ARHGAP6: variants seen among roughly 807,000 people sequenced by gnomAD.
ARHGAP6 encodes the protein Rho GTPase activating protein 6.
A neutral mutation model predicts 55.7 loss-of-function variants in ARHGAP6; 16 were observed. That is an observed-to-expected ratio of 0.29 (90% CI 0.19 to 0.44). The LOEUF (loss-of-function observed/expected upper bound fraction) is 0.44, where lower values mean the gene tolerates loss of function less well. Ranked by LOEUF, ARHGAP6 falls within the 20% of genes least tolerant of loss-of-function variation. The probability of loss-of-function intolerance (pLI) is 1.00; values close to 1 mark genes in which losing one functional copy is unlikely to be tolerated. For missense variants in ARHGAP6, 698 were observed against 808.9 expected (o/e 0.86, Z 1.66); for synonymous variants, 382 against 360.9 (o/e 1.06, Z -0.66).
intron 1 of ARHGAP6, among the ~76,000 whole-genome samples, chrX:11,420,159 A>C (rs1338638921): frequency 8.9e-6 from 1 of 111,987 alleles, no homozygotes; most frequent in Non-Finnish European, 1.9e-5. Flanking sequence ...ATTGAAAAGT[A>C]TCCCATATTC....
intron 1 of ARHGAP6, among the ~76,000 whole-genome samples, chrX:11,500,543 C>T (rs905441274): frequency 4.6e-5 from 5 of 107,881 alleles, no homozygotes; most frequent in Non-Finnish European, 9.6e-5. Context: ...TGCCTGAAAT[C>T]CCAGCTACTC....
At chrX:11,267,431 GTGACT>G (rs2047641689) in intron 1 of ARHGAP6, among the ~76,000 whole-genome samples, 1 of 111,831 alleles carries the variant, frequency 8.9e-6, no homozygotes, top group Non-Finnish European at 1.9e-5. Context: ...GAGGAGTTAA[GTGACT>G]TGCTCAAAGA....
intron 1 of ARHGAP6, among the ~76,000 whole-genome samples, chrX:11,326,385 C>T (rs982014430): frequency 9.0e-6 from 1 of 111,512 alleles, no homozygotes; most frequent in Non-Finnish European, 1.9e-5. Context: ...GCCTTGGCCT[C>T]CCAAAGTGCT....
chrX:11,254,910 C>G (rs972961353), intron 1 of ARHGAP6, among the ~76,000 whole-genome samples: 1 of 110,840 alleles, frequency 9.0e-6, no homozygotes, highest in Non-Finnish European at 1.9e-5. Flanking sequence ...TCTCAAGTAT[C>G]TGCTGGGTCA....
chrX:11,365,680 CTTA>C (rs996220147), intron 1 of ARHGAP6, among the ~76,000 whole-genome samples: 7 of 112,140 alleles, frequency 6.2e-5, no homozygotes, highest in Admixed American at 9.4e-5. Context: ...TATCTTTTGG[CTTA>C]TTGTTTTATA....
At position 11,169,419 on chromosome X, in the gene ARHGAP6, G is replaced by A. The variant is rs911079688; in HGVS notation, c.1809+86C>T. On this transcript the variant is annotated intron_variant, in intron 9 of 12. Transcript: ENST00000337414. ...TCAGTGAGCAGCACTGCACCCCAGA[G>A]GGTGGTCTACTAGAATTTCATCCTG... 2.0e-5 allele frequency: 19 copies of A among 947,040 alleles called. No individual in the cohort carries two copies. The East Asian group carries it at 2.0e-4, about 10-fold the overall frequency. 78.0% of individuals were successfully genotyped at this position (947,040 alleles called of 1,213,427 possible).
rs1352867177 is a variant in ARHGAP6, at chrX:11,665,855, G to A, written c.-1027C>T. On this transcript the variant is annotated 5_prime_UTR_variant, in exon 1 of 13. Coordinates refer to ENST00000337414, the MANE Select transcript of ARHGAP6 (RefSeq NM_013427.3). The stretch of plus-strand genomic sequence containing the variant: ...AAAGCAGAACGTGAAGAGTTTTCCA[G>A]GCGCCAAACCTGCAAGCGGCGAGGA... Among the ~76,000 whole-genome samples, 2 of 112,390 alleles carry A rather than the reference G, an allele frequency of 1.8e-5. No homozygotes were observed. The highest frequency in any genetic ancestry group is 9.3e-5 in the Admixed American group (1 of 10,759).
At chrX:11,356,313 G>A (rs753108711) in intron 1 of ARHGAP6, among the ~76,000 whole-genome samples, 3 of 110,782 alleles carry the variant, frequency 2.7e-5, no homozygotes, top group South Asian at 3.9e-4. Context: ...CCTAATGCAC[G>A]TGGGGCTTAA....
At chrX:11,256,248 G>C (rs2047492959) in intron 1 of ARHGAP6, among the ~76,000 whole-genome samples, 1 of 111,887 alleles carries the variant, frequency 8.9e-6, no homozygotes, top group Admixed American at 9.4e-5. Context: ...AATTAGCCAG[G>C]CATGGTGGCG....
chrX:11,305,149 G>A (rs1216584212), intron 1 of ARHGAP6, among the ~76,000 whole-genome samples: 2 of 111,067 alleles, frequency 1.8e-5, no homozygotes, highest in Admixed American at 1.9e-4. Flanking sequence ...TCTCCTAGGG[G>A]ACCTTTGGCA....
At chrX:11,400,269 T>C (rs1289785637) in intron 1 of ARHGAP6, among the ~76,000 whole-genome samples, 1 of 111,450 alleles carries the variant, frequency 9.0e-6, no homozygotes, top group Non-Finnish European at 1.9e-5. Flanking sequence ...GATGCATCAC[T>C]GCAGGAGTTC....
chrX:11,423,274 G>A (rs1353662008), intron 1 of ARHGAP6, among the ~76,000 whole-genome samples: 6 of 112,998 alleles, frequency 5.3e-5, no homozygotes, highest in African/African-American at 1.3e-4. Flanking sequence ...AATTACCAGA[G>A]AGTATCCTGT....
chrX:11,512,915 T>G (rs1222238385), intron 1 of ARHGAP6, among the ~76,000 whole-genome samples: 1 of 112,042 alleles, frequency 8.9e-6, no homozygotes, highest in Non-Finnish European at 1.9e-5. Context: ...CTCTGAGGTT[T>G]GGGATGGTTT....
intron 8 of ARHGAP6, among the ~76,000 whole-genome samples, chrX:11,175,005 T>G (rs1187745874): frequency 9.0e-6 from 1 of 111,341 alleles, no homozygotes; most frequent in African/African-American, 3.3e-5. Context: ...AAGGCCATTC[T>G]TACATGGAAA....
At position 11,299,045 on chromosome X, in the gene ARHGAP6, T is replaced by G. The variant is rs999929219; in HGVS notation, c.589-44338A>C. 17 of 1,116,977 alleles carry G rather than the reference T, an allele frequency of 1.5e-5. No homozygotes were observed. In the African/African-American group the frequency reaches 3.1e-4, roughly 20 times the overall value. The allele number at this position is 1,116,977 out of a possible 1,213,427, so 92.1% of individuals were successfully genotyped here. Reference sequence around the variant, plus strand: ...TGCAGCAAAATAGGCCCCAGAGTTCTAAGGTCTCCGACAACCAAGGATCTA... The same window carrying G: ...TGCAGCAAAATAGGCCCCAGAGTTCGAAGGTCTCCGACAACCAAGGATCTA... On this transcript the variant is annotated intron_variant, in intron 1 of 12. Transcript: ENST00000337414.
At chrX:11,582,793 CATG>C (rs1291936893) in intron 1 of ARHGAP6, among the ~76,000 whole-genome samples, 1 of 110,939 alleles carries the variant, frequency 9.0e-6, no homozygotes. Flanking sequence ...AGGTAATAGA[CATG>C]ATAATTAGTT....
At chrX:11,515,112 T>C (rs1444010778) in intron 1 of ARHGAP6, among the ~76,000 whole-genome samples, 1 of 111,878 alleles carries the variant, frequency 8.9e-6, no homozygotes, top group African/African-American at 3.2e-5. Flanking sequence ...GATCAATTAG[T>C]AATGTCTGTC....
At chrX:11,168,373 A>C (rs1259695357) in intron 9 of ARHGAP6, among the ~76,000 whole-genome samples, 4 of 112,366 alleles carry the variant, frequency 3.6e-5, no homozygotes, top group African/African-American at 1.3e-4. Context: ...TCTGGTCACC[A>C]CCCTGAGAAT....
intron 1 of ARHGAP6, among the ~76,000 whole-genome samples, chrX:11,386,249 G>A (rs1167185430): frequency 8.8e-6 from 1 of 113,237 alleles, no homozygotes; most frequent in Non-Finnish European, 1.9e-5. Flanking sequence ...TGTGACGTAA[G>A]TTTTAGCAAT....
Sources: gnomAD v4.1 joint callset for allele counts (sites outside exome capture counted in the v4.1 genomes callset) on GRCh38, gnomAD v4.1.1 for gene constraint, MANE v1.5 for transcripts, NCBI Gene and HGNC (gene_info 2026-07-23, HGNC 2026-07-21) for gene names.